IMMP2L: variants seen among roughly 807,000 people sequenced by gnomAD.
The protein encoded by IMMP2L is mitochondrial inner membrane protease subunit 2.
IMMP2L carries 18 observed loss-of-function variants against 19.3 expected under a neutral mutation model. The ratio of observed to expected loss-of-function variants is 0.93; its 90% CI spans 0.64 to 1.38. IMMP2L has a LOEUF of 1.38. IMMP2L is among the 40% of genes most tolerant of loss of function. The probability of loss-of-function intolerance (pLI) is 0.00; values close to 1 mark genes in which losing one functional copy is unlikely to be tolerated. For missense variants in IMMP2L, 233 were observed against 218.2 expected (o/e 1.07, Z -0.43); for synonymous variants, 76 against 73.0 (o/e 1.04, Z -0.21).
chr7:110,868,933 A>AT (rs202225985), intron 5 of IMMP2L, among the ~76,000 whole-genome samples: 1 of 131,782 alleles, frequency 7.6e-6, no homozygotes, highest in Non-Finnish European at 1.6e-5. Context: ...AAATTAAAAC[A>AT]AAAAAAAAAG....
intron 3 of IMMP2L, among the ~76,000 whole-genome samples, chr7:111,190,003 C>G (rs568046516): frequency 1.3e-5 from 2 of 152,116 alleles, no homozygotes; most frequent in East Asian, 3.9e-4. Flanking sequence ...ATGATAATTT[C>G]AGTTGTATTA....
chr7:111,464,943 C>T (rs901374672), intron 3 of IMMP2L, among the ~76,000 whole-genome samples: 1 of 152,124 alleles, frequency 6.6e-6, no homozygotes, highest in Non-Finnish European at 1.5e-5. Flanking sequence ...CGCCCGCCAC[C>T]AGGCCCGGCT....
intron 3 of IMMP2L, among the ~76,000 whole-genome samples, chr7:111,104,025 G>A (rs1051855315): frequency 2.0e-5 from 3 of 151,650 alleles, no homozygotes; most frequent in African/African-American, 7.2e-5. Context: ...TGGTACTCCT[G>A]TAATATGTGT....
chr7:111,420,874 C>T (rs1172624997), intron 3 of IMMP2L, among the ~76,000 whole-genome samples: 1 of 151,786 alleles, frequency 6.6e-6, no homozygotes, highest in African/African-American at 2.4e-5. Flanking sequence ...CATACGTGTG[C>T]ATGTGCCTTT....
At chr7:111,276,704 T>G (rs910518835) in intron 3 of IMMP2L, among the ~76,000 whole-genome samples, 3 of 148,440 alleles carry the variant, frequency 2.0e-5, no homozygotes, top group Admixed American at 1.3e-4. Flanking sequence ...TCACACTACC[T>G]GACTTCAAAT....
chr7:111,427,406 T>C lies in IMMP2L; in HGVS notation c.239+59832A>G, dbSNP rs185388086. ...CTTCTTAGGACTGGACAGTGCATTA[T>C]AAAAGAAAATGAAGAACATTCAGAG... On this transcript the variant is annotated intron_variant, in intron 3 of 5. Transcript: ENST00000405709. Among the ~76,000 whole-genome samples, 305 of 151,678 alleles carry C rather than the reference T, an allele frequency of 2.0e-3. 2 individuals are homozygous for C. Among genetic ancestry groups the C allele is most frequent in the Non-Finnish European group, 3.1e-3 (211 of 67,900 alleles).
intron 4 of IMMP2L, among the ~76,000 whole-genome samples, chr7:110,940,254 G>A (rs901314289): frequency 4.6e-5 from 7 of 151,380 alleles, no homozygotes; most frequent in African/African-American, 1.7e-4. Context: ...GGGAGTTGGA[G>A]CTTGCAGTGA....
At chr7:110,925,283 T>C (rs887445712) in intron 4 of IMMP2L, among the ~76,000 whole-genome samples, 1 of 152,158 alleles carries the variant, frequency 6.6e-6, no homozygotes, top group Non-Finnish European at 1.5e-5. Context: ...TTCACGAGTA[T>C]GGCCTTACAA....
intron 5 of IMMP2L, among the ~76,000 whole-genome samples, chr7:110,775,572 C>A (rs1379516118): frequency 6.6e-6 from 1 of 152,006 alleles, no homozygotes; most frequent in East Asian, 1.9e-4. Flanking sequence ...ATGTTTTAAA[C>A]TTTCAAATAC....
intron 3 of IMMP2L, among the ~76,000 whole-genome samples, chr7:111,436,916 C>T (rs1467153555): frequency 1.3e-5 from 2 of 151,480 alleles, no homozygotes; most frequent in African/African-American, 4.9e-5. Flanking sequence ...TGGAGAGGTG[C>T]CACACTCTTT....
intron 2 of IMMP2L, among the ~76,000 whole-genome samples, chr7:111,515,497 A>C (rs1176178743): frequency 6.6e-6 from 1 of 152,136 alleles, no homozygotes; most frequent in African/African-American, 2.4e-5. Context: ...ATGACCAGGA[A>C]TTGACAAATA....
intron 3 of IMMP2L, among the ~76,000 whole-genome samples, chr7:111,083,675 A>T (rs1430372268): frequency 6.6e-6 from 1 of 152,220 alleles, no homozygotes; most frequent in East Asian, 1.9e-4. Context: ...TGAAAAGGGG[A>T]AAGTCCCTGA....
chr7:110,663,500 G>A lies in IMMP2L; in HGVS notation c.*102C>T. 5 of 920,966 alleles carry A rather than the reference G, an allele frequency of 5.4e-6. No homozygotes were observed. In the Admixed American group the frequency reaches 1.0e-4, roughly 18 times the overall value. 57.0% of individuals were successfully genotyped at this position (920,966 alleles called of 1,614,324 possible). On this transcript the variant is annotated 3_prime_UTR_variant, in exon 6 of 6. Transcript: ENST00000405709. Reference sequence around the variant, plus strand: ...ATGTGCTGTAAATATTTCTCGCACAGCATCATATTGTCAGAAGTTTTTCCC... The same window carrying A: ...ATGTGCTGTAAATATTTCTCGCACAACATCATATTGTCAGAAGTTTTTCCC...
chr7:111,014,102 G>A (rs1472291315), intron 3 of IMMP2L, among the ~76,000 whole-genome samples: 2 of 152,058 alleles, frequency 1.3e-5, no homozygotes, highest in African/African-American at 2.4e-5. Flanking sequence ...GGTGCCTCAC[G>A]CCTATAATCC....
chr7:111,163,619 C>T (rs1023437837), intron 3 of IMMP2L, among the ~76,000 whole-genome samples: 1 of 151,964 alleles, frequency 6.6e-6, no homozygotes, highest in Non-Finnish European at 1.5e-5. Context: ...CAGTTGGAAA[C>T]TTAGCTGGTG....
intron 3 of IMMP2L, among the ~76,000 whole-genome samples, chr7:111,327,183 T>C (rs1825408872): frequency 6.6e-6 from 1 of 151,654 alleles, no homozygotes; most frequent in Admixed American, 6.6e-5. Context: ...GTATCTAAAA[T>C]AGTTTAATTC....
chr7:111,144,638 G>A (rs1241787611), intron 3 of IMMP2L, among the ~76,000 whole-genome samples: 4 of 151,884 alleles, frequency 2.6e-5, no homozygotes, highest in South Asian at 2.1e-4. Context: ...AATCCACGGG[G>A]GACAGAAATT....
At chr7:111,281,373 T>C (rs1389029345) in intron 3 of IMMP2L, among the ~76,000 whole-genome samples, 1 of 151,954 alleles carries the variant, frequency 6.6e-6, no homozygotes, top group Admixed American at 6.6e-5. Flanking sequence ...GGCAATAAAA[T>C]TTAGTAACCC....
intron 3 of IMMP2L, among the ~76,000 whole-genome samples, chr7:111,026,067 T>A (rs1280548597): frequency 6.6e-6 from 1 of 151,952 alleles, no homozygotes; most frequent in African/African-American, 2.4e-5. Context: ...AACAGAAGAA[T>A]TGTTTTAGTG....
Sources: gnomAD v4.1 joint callset for allele counts (sites outside exome capture counted in the v4.1 genomes callset) on GRCh38, gnomAD v4.1.1 for gene constraint, MANE v1.5 for transcripts, NCBI Gene and HGNC (gene_info 2026-07-23, HGNC 2026-07-21) for gene names.